The following CTNNA3 variants were observed in gnomAD, a reference collection of about 807,000 sequenced individuals.
CTNNA3 encodes catenin alpha-3.
A neutral mutation model predicts 95.7 loss-of-function variants in CTNNA3; 76 were observed. The observed-to-expected ratio is 0.79, with a 90% CI of 0.66 to 0.96. CTNNA3 has a LOEUF of 0.96. Among genes scored for constraint, CTNNA3 ranks in the 40% least tolerant of loss-of-function variants. CTNNA3 has a pLI of 0.00. For synonymous variants in CTNNA3, 431 were observed against 374.4 expected (o/e 1.15, Z -1.74); for missense variants, 1,191 against 1,089.8 (o/e 1.09, Z -1.31).
At chr10:66,393,828 G>A (rs2092953087) in intron 11 of CTNNA3, among the ~76,000 whole-genome samples, 1 of 151,972 alleles carries the variant, frequency 6.6e-6, no homozygotes, top group African/African-American at 2.4e-5. Flanking sequence ...CCTTTGAGCT[G>A]ATAAATATGT....
chr10:66,243,962 A>G (rs2090205858), intron 13 of CTNNA3, among the ~76,000 whole-genome samples: 2 of 151,966 alleles, frequency 1.3e-5, no homozygotes, highest in Non-Finnish European at 1.5e-5. Context: ...TCCCCAATAC[A>G]AGCCTACACT....
intron 3 of CTNNA3, among the ~76,000 whole-genome samples, chr10:67,560,014 G>A (rs948180543): frequency 6.6e-6 from 1 of 152,284 alleles, no homozygotes; most frequent in South Asian, 2.1e-4. Flanking sequence ...CGTCTGATTG[G>A]TGTACCTGAA....
intron 9 of CTNNA3, among the ~76,000 whole-genome samples, chr10:66,623,466 CTTATTAAAAGCCAAT>C (rs1193897030): frequency 2.0e-5 from 3 of 151,742 alleles, no homozygotes; most frequent in Admixed American, 2.0e-4. Flanking sequence ...GCCACCGAGG[CTTATTAAAAGCCAAT>C]TAAGTGACTG....
chr10:66,845,446 G>A (rs536477709), intron 7 of CTNNA3, among the ~76,000 whole-genome samples: 71 of 152,176 alleles, frequency 4.7e-4, no homozygotes, highest in Admixed American at 3.9e-4. Context: ...GCTCACGCCC[G>A]TAATCCCAGC....
chr10:66,519,248 A>G (rs946287002), intron 11 of CTNNA3, among the ~76,000 whole-genome samples: 1 of 152,052 alleles, frequency 6.6e-6, no homozygotes, highest in African/African-American at 2.4e-5. Context: ...ATATTGATTT[A>G]TGAGTATCTT....
intron 7 of CTNNA3, among the ~76,000 whole-genome samples, chr10:66,856,165 C>T (rs1361377015): frequency 2.6e-5 from 4 of 151,934 alleles, no homozygotes; most frequent in Admixed American, 2.0e-4. Flanking sequence ...TAAGTGAGAA[C>T]GTGTGGTATT....
At chr10:66,763,254 A>T (rs758548359) in intron 9 of CTNNA3, among the ~76,000 whole-genome samples, 8 of 151,892 alleles carry the variant, frequency 5.3e-5, no homozygotes, top group Non-Finnish European at 8.8e-5. Flanking sequence ...GATCCTTTCA[A>T]AAACAGATTT....
chr10:67,488,672 C>CTTTTT (rs565227051), intron 5 of CTNNA3, among the ~76,000 whole-genome samples: 20,334 of 130,422 alleles, frequency 0.16, 3,068 homozygotes, highest in African/African-American at 0.38. Flanking sequence ...TGCCCGGCCT[C>CTTTTT]TTTTTTTTTT....
chr10:67,629,994 C>T (rs1004604410), intron 2 of CTNNA3, among the ~76,000 whole-genome samples: 2 of 152,116 alleles, frequency 1.3e-5, no homozygotes, highest in African/African-American at 4.8e-5. Context: ...AGGATGCTAA[C>T]GGGACCAATT....
At chr10:66,735,317 T>A (rs181102140) in intron 9 of CTNNA3, among the ~76,000 whole-genome samples, 59 of 151,976 alleles carry the variant, frequency 3.9e-4, no homozygotes, top group Non-Finnish European at 6.3e-4. Flanking sequence ...ATAATTCTTT[T>A]AAAAACCCTA....
chr10:67,258,037 G>T (rs1866433764), intron 5 of CTNNA3, among the ~76,000 whole-genome samples: 1 of 152,036 alleles, frequency 6.6e-6, no homozygotes, highest in Non-Finnish European at 1.5e-5. Flanking sequence ...CAGTCACCTG[G>T]GTTTCAGATT....
chr10:65,966,955 G>A (rs952266096), intron 16 of CTNNA3, among the ~76,000 whole-genome samples: 4 of 151,986 alleles, frequency 2.6e-5, no homozygotes, highest in African/African-American at 9.7e-5. Context: ...CAAAAGGAAC[G>A]TTAAAATAAT....
At chr10:66,018,028 A>G (rs908059066) in intron 15 of CTNNA3, among the ~76,000 whole-genome samples, 1 of 152,084 alleles carries the variant, frequency 6.6e-6, no homozygotes, top group African/African-American at 2.4e-5. Flanking sequence ...GCCATAAAAG[A>G]AAATGATTGG....
chr10:66,451,228 C>T (rs577920731), intron 11 of CTNNA3, among the ~76,000 whole-genome samples: 10 of 152,224 alleles, frequency 6.6e-5, no homozygotes, highest in African/African-American at 1.4e-4. Context: ...AAGATGATCA[C>T]GTAAGTAGCT....
intron 9 of CTNNA3, among the ~76,000 whole-genome samples, chr10:66,691,031 T>G (rs931805883): frequency 6.6e-6 from 1 of 152,194 alleles, no homozygotes; most frequent in Non-Finnish European, 1.5e-5. Context: ...GAGTGATCGA[T>G]GCAGAAGACG....
intron 17 of CTNNA3, among the ~76,000 whole-genome samples, chr10:65,946,030 C>G (rs1295655063): frequency 1.3e-5 from 2 of 152,116 alleles, no homozygotes; most frequent in African/African-American, 4.8e-5. Flanking sequence ...ATTAAATGTA[C>G]ATACTTTAGA....
chr10:66,248,425 C>A (rs2090424113), intron 13 of CTNNA3, among the ~76,000 whole-genome samples: 1 of 150,358 alleles, frequency 6.7e-6, no homozygotes. Flanking sequence ...ATGGATTAAA[C>A]TCTCCAATAA....
At chr10:66,535,809 C>A (rs2132062280) in intron 10 of CTNNA3, among the ~76,000 whole-genome samples, 1 of 152,136 alleles carries the variant, frequency 6.6e-6, no homozygotes, top group South Asian at 2.1e-4. Flanking sequence ...ATGTAGAATT[C>A]ATAGAATCAT....
intron 2 of CTNNA3, among the ~76,000 whole-genome samples, chr10:67,642,349 A>C (rs1214231171): frequency 2.6e-5 from 4 of 152,176 alleles, no homozygotes; most frequent in African/African-American, 4.8e-5. Context: ...AGAAAAAAAA[A>C]ACATTAAAAA....
Sources: gnomAD v4.1 joint callset for allele counts (sites outside exome capture counted in the v4.1 genomes callset) on GRCh38, gnomAD v4.1.1 for gene constraint, MANE v1.5 for transcripts, NCBI Gene and HGNC (gene_info 2026-07-23, HGNC 2026-07-21) for gene names.